The following GLI3 variants were observed in gnomAD, a reference collection of about 807,000 sequenced individuals.
The protein encoded by GLI3 is GLI family zinc finger 3.
In GLI3, 20 loss-of-function variants were observed where a neutral mutation model predicts 100.8. The ratio of observed to expected loss-of-function variants is 0.20; its 90% CI spans 0.14 to 0.29. GLI3 has a LOEUF of 0.29. Among genes scored for constraint, GLI3 ranks in the 10% least tolerant of loss-of-function variants. The probability of loss-of-function intolerance (pLI) is 1.00; values close to 1 mark genes in which losing one functional copy is unlikely to be tolerated. For synonymous variants in GLI3, 938 were observed against 860.5 expected (o/e 1.09, Z -1.58); for missense variants, 2,040 against 2,128.5 (o/e 0.96, Z 0.82).
chr7:42,256,273 G>A (rs1789083852), intron 1 of GLI3, among the ~76,000 whole-genome samples: 3 of 151,186 alleles, frequency 2.0e-5, no homozygotes, highest in Admixed American at 6.6e-5. Context: ...AAGCACAAAA[G>A]TTTTTAATGT....
In GLI3 at chr7:42,166,074, C is replaced by T. The variant is rs575042350; in HGVS notation, c.125-17606G>A. On this transcript the variant is annotated intron_variant, in intron 2 of 14. Coordinates refer to ENST00000395925, the MANE Select transcript of GLI3 (RefSeq NM_000168.6). ...ACCTTGCATGAAGCCCAGGTGTCTG[C>T]AAGACCAACTCCAAACTGCCCAGCC... 3.3e-5 allele frequency among the ~76,000 whole-genome samples: 5 copies of T among 152,272 alleles called. No homozygotes were observed. In the East Asian group the frequency reaches 9.7e-4, roughly 29 times the overall value.
upstream of GLI3, among the ~76,000 whole-genome samples, chr7:42,242,485 G>A (rs1240597238): frequency 6.6e-6 from 1 of 152,144 alleles, no homozygotes; most frequent in South Asian, 2.1e-4. Context: ...AAATAGCTCC[G>A]ACATTCCCCA....
chr7:42,200,468 G>A (rs971320013), intron 2 of GLI3, among the ~76,000 whole-genome samples: 1 of 152,142 alleles, frequency 6.6e-6, no homozygotes, highest in Non-Finnish European at 1.5e-5. Flanking sequence ...GATGCAGAAA[G>A]CCAGAGAACG....
At chr7:42,171,149 A>G (rs1474834266) in intron 2 of GLI3, among the ~76,000 whole-genome samples, 1 of 152,234 alleles carries the variant, frequency 6.6e-6, no homozygotes, top group Non-Finnish European at 1.5e-5. Flanking sequence ...TTAGATTCAA[A>G]GCTAGACTTG....
Position 41,966,150 on chromosome 7 carries a change from C to A in GLI3, c.2923G>T (p.Ala975Ser), listed in dbSNP as rs1787170694. Reference sequence around the variant, plus strand: ...CCCCCGTCGCTGCACCTCCTCGGGGCATGAACTGGAGGCAGGGCCACGCCA... The same window carrying A: ...CCCCCGTCGCTGCACCTCCTCGGGGAATGAACTGGAGGCAGGGCCACGCCA... ...EPGVALPPVH[A>S]PRRCSDGGAH... Residue 975 changes from alanine to serine, a missense_variant, in exon 15 of 15, where the codon GCC (alanine) becomes TCC (serine). Around this residue, in one of 5 missense-constraint regions of GLI3, gnomAD observed 1,041 missense variants for 924.0 expected, o/e 1.13. Coordinates refer to ENST00000395925, the MANE Select transcript of GLI3 (RefSeq NM_000168.6). This position sits in a 1 kb window ranked among gnomAD's most constrained non-coding sequence, Gnocchi z 5.8. 1.9e-6 allele frequency: 3 copies of A among 1,597,342 alleles called. No individual in the cohort carries two copies. Among genetic ancestry groups the A allele is most frequent in the Non-Finnish European group, 1.7e-6 (2 of 1,175,626 alleles).
At chr7:42,205,907 GA>G (rs1788141682) in intron 2 of GLI3, among the ~76,000 whole-genome samples, 2 of 152,154 alleles carry the variant, frequency 1.3e-5, no homozygotes, top group African/African-American at 4.8e-5. Flanking sequence ...AAACGACTAA[GA>G]TTGCTTCCCA....
chr7:42,121,384 A>G (rs983144805), intron 3 of GLI3, among the ~76,000 whole-genome samples: 1 of 152,198 alleles, frequency 6.6e-6, no homozygotes, highest in Non-Finnish European at 1.5e-5. Context: ...CATGTTGATA[A>G]ATGCTGGTCT....
At chr7:42,091,393 C>T (rs1378117643) in intron 3 of GLI3, among the ~76,000 whole-genome samples, 1 of 152,226 alleles carries the variant, frequency 6.6e-6, no homozygotes, top group East Asian at 1.9e-4. Flanking sequence ...TTGCCCCAGT[C>T]GCTCAGACAC....
At position 42,178,526 on chromosome 7, in the gene GLI3, G is replaced by A. The variant is rs117961103; in HGVS notation, c.125-30058C>T. On this transcript the variant is annotated intron_variant, in intron 2 of 14. Transcript: ENST00000395925. ...GGAACTCATCACCCCCCTTCAAGAA[G>A]AAAGGAGAGCTATTCCTTCACTGCT... is the stretch of plus-strand genomic sequence containing the variant. 3.9e-3 allele frequency among the ~76,000 whole-genome samples: 596 copies of A among 152,296 alleles called. 4 individuals are homozygous for A. The highest frequency in any genetic ancestry group is 0.011 in the South Asian group (52 of 4,828).
rs747166719 is a variant in GLI3, at chr7:42,084,901, C to CTTTTTTTTTTTT, written c.368-8056_368-8045dup. Among the ~76,000 whole-genome samples the CTTTTTTTTTTTT allele has an allele frequency of 1.3e-4, 6 of 47,514 alleles. 1 individual carries two copies. The highest frequency in any genetic ancestry group is 1.9e-3 in the South Asian group (2 of 1,066). The allele number at this position is 47,514 out of a possible 152,430, so 31.2% of individuals were successfully genotyped here. A position where few individuals can be genotyped will look rare whatever the true frequency, so the allele number is the denominator to read the frequency against. On this transcript the variant is annotated intron_variant, in intron 3 of 14. Coordinates refer to ENST00000395925, the MANE Select transcript of GLI3 (RefSeq NM_000168.6). ...AGCTCTAAAAATATGCATTTGGATT[C>CTTTTTTTTTTTT]TTTTTTTTTTTTTTTTTTTTTTTTT...
At chr7:42,262,197 T>TCTCC (rs1554345649) in intron 1 of GLI3, among the ~76,000 whole-genome samples, 1 of 33,556 alleles carries the variant, frequency 3.0e-5, no homozygotes, top group Non-Finnish European at 7.8e-5. Flanking sequence ...TTTTATTTTT[T>TCTCC]TTCCTTCCTT....
chr7:42,037,994 A>G (rs1784053242), intron 7 of GLI3, among the ~76,000 whole-genome samples: 2 of 152,252 alleles, frequency 1.3e-5, no homozygotes, highest in African/African-American at 2.4e-5. Context: ...CTGGGCAGAG[A>G]GCAAGAGGAA....
intron 1 of GLI3, among the ~76,000 whole-genome samples, chr7:42,233,705 C>A (rs1240600394): frequency 6.6e-6 from 1 of 152,084 alleles, no homozygotes; most frequent in African/African-American, 2.4e-5. Flanking sequence ...TGCAGCAGTA[C>A]CCCCTGCCCT....
intron 7 of GLI3, among the ~76,000 whole-genome samples, chr7:42,036,405 G>A (rs1789439009): frequency 1.3e-5 from 2 of 152,176 alleles, no homozygotes; most frequent in African/African-American, 2.4e-5. Flanking sequence ...ATCAATATGA[G>A]AGAATGCAGG....
At chr7:42,108,284 G>A (rs1355216931) in intron 3 of GLI3, among the ~76,000 whole-genome samples, 1 of 152,186 alleles carries the variant, frequency 6.6e-6, no homozygotes, top group Non-Finnish European at 1.5e-5. Context: ...TCACAGATGT[G>A]TCTAGACTTA....
intron 2 of GLI3, among the ~76,000 whole-genome samples, chr7:42,188,370 G>A (rs1378327343): frequency 6.6e-6 from 1 of 152,056 alleles, no homozygotes; most frequent in African/African-American, 2.4e-5. Context: ...GCTGGTAAAG[G>A]GTAAGTTGAG....
intron 2 of GLI3, among the ~76,000 whole-genome samples, chr7:42,159,974 A>G (rs1431545708): frequency 6.6e-6 from 1 of 152,204 alleles, no homozygotes; most frequent in Non-Finnish European, 1.5e-5. Flanking sequence ...AGCACAGTGT[A>G]ATAAAAGGAG....
intron 2 of GLI3, among the ~76,000 whole-genome samples, chr7:42,162,964 CCT>C (rs1787160770): frequency 1.6e-5 from 2 of 126,318 alleles, no homozygotes; most frequent in Non-Finnish European, 3.2e-5. Flanking sequence ...GGAATAAACA[CCT>C]TTTTTTTTTT....
chr7:42,202,419 G>T (rs1788063388), intron 2 of GLI3, among the ~76,000 whole-genome samples: 1 of 146,602 alleles, frequency 6.8e-6, no homozygotes, highest in Admixed American at 6.9e-5. Flanking sequence ...ATACTACACA[G>T]ACTCACTAAA....
Sources: gnomAD v4.1 joint callset for allele counts (sites outside exome capture counted in the v4.1 genomes callset) on GRCh38, gnomAD v4.1.1 for gene constraint, gnomAD v4.1.1 regional missense constraint, Gnocchi (gnomAD v3.1) non-coding constraint, MANE v1.5 for transcripts, NCBI Gene and HGNC (gene_info 2026-07-23, HGNC 2026-07-21) for gene names.